Variants in AP1G1 observed in about 807,000 individuals in gnomAD.
AP1G1 encodes adaptor related protein complex 1 subunit gamma 1.
In AP1G1, 7 loss-of-function variants were observed where a neutral mutation model predicts 108.3. The ratio of observed to expected loss-of-function variants is 0.06; its 90% CI spans 0.04 to 0.12. The LOEUF (loss-of-function observed/expected upper bound fraction) is 0.12, where lower values mean the gene tolerates loss of function less well. AP1G1 is among the 10% of genes least tolerant of loss of function. The pLI, the probability that AP1G1 is intolerant of heterozygous loss-of-function variation, is 1.00. For missense variants in AP1G1, 756 were observed against 1,010.7 expected (o/e 0.75, Z 3.42); for synonymous variants, 379 against 353.5 (o/e 1.07, Z -0.81).
intron 1 of AP1G1, chr16:71,808,440 G>A (rs533749656): frequency 2.5e-6 from 3 of 1,187,532 alleles, no homozygotes; most frequent in African/African-American, 1.6e-5. Context: ...CTAAACCCCA[G>A]GCTCCCTGAA....
intron 2 of AP1G1, among the ~76,000 whole-genome samples, chr16:71,775,731 G>C (rs1207245546): frequency 1.3e-5 from 2 of 152,192 alleles, no homozygotes; most frequent in Non-Finnish European, 2.9e-5. Context: ...TACATTCAGA[G>C]CTTGATCCAA....
chr16:71,742,072 G>A (rs1319798173), intron 19 of AP1G1, among the ~76,000 whole-genome samples: 1 of 151,994 alleles, frequency 6.6e-6, no homozygotes, highest in Non-Finnish European at 1.5e-5. Flanking sequence ...AATGTAAAAA[G>A]TGGAAAAACA....
chr16:71,774,389 G>C (rs865793994), intron 3 of AP1G1, 79 bp downstream of exon 3: 1 of 1,507,778 alleles, frequency 6.6e-7, no homozygotes, highest in Non-Finnish European at 9.0e-7. Flanking sequence ...GGGCAAAAGA[G>C]CAAGACTCCG....
intron 1 of AP1G1, among the ~76,000 whole-genome samples, chr16:71,796,953 T>C (rs1012072334): frequency 7.3e-5 from 11 of 151,412 alleles, no homozygotes; most frequent in African/African-American, 2.7e-4. Flanking sequence ...GCAGAATGCT[T>C]GATTCCAGGA....
intron 12 of AP1G1, among the ~76,000 whole-genome samples, chr16:71,754,911 G>A (rs983886205): frequency 8.5e-5 from 13 of 152,062 alleles, no homozygotes; most frequent in African/African-American, 2.9e-4. Flanking sequence ...CAGTTTCAGA[G>A]AAAATGAATC....
chr16:71,806,253 A>G (rs909081303), intron 1 of AP1G1, among the ~76,000 whole-genome samples: 9 of 152,206 alleles, frequency 5.9e-5, no homozygotes, highest in Non-Finnish European at 1.3e-4. Flanking sequence ...ACTGCCCCCA[A>G]AAGAAAACGG....
rs754436607 is a variant in AP1G1 at position 71,745,558 on chromosome 16, G to A, written c.1787C>T (p.Thr596Ile). The A allele has an allele frequency of 5.0e-6, 8 of 1,614,184 alleles. No homozygotes were observed. In the East Asian group the frequency reaches 1.6e-4, roughly 31 times the overall value. Residue 596 changes from threonine to isoleucine, a missense_variant, in exon 18 of 23, where the codon ACT becomes ATT. Physicochemically the swap from Thr to Ile is moderately conservative, Grantham distance 89. This residue lies in a region of AP1G1 where 357 missense variants were observed against 366.5 expected (regional missense o/e 0.97). Coordinates refer to ENST00000299980, the MANE Select transcript of AP1G1 (RefSeq NM_001128.6). ...CTCTCCATTTGTCTGCACAATCTCA[G>A]TAGGGCCATTTGTGGTCACTTTTTC... ...VMEKVTTNGPTEIVQTNGETE... is the reference protein window; with the variant it reads ...VMEKVTTNGPIEIVQTNGETE...
At position 71,752,562 on chromosome 16, in the gene AP1G1, G is replaced by A. The variant is rs747269363; in HGVS notation, c.1284+1271C>T. 5.9e-5 allele frequency among the ~76,000 whole-genome samples: 9 copies of A among 152,034 alleles called. No homozygotes were observed. The East Asian group carries it at 1.2e-3, about 20-fold the overall frequency. On this transcript the variant is annotated intron_variant, in intron 13 of 22. Coordinates refer to ENST00000299980, the MANE Select transcript of AP1G1 (RefSeq NM_001128.6). The stretch of plus-strand genomic sequence containing the variant: ...CATTTGGGGACTACTAGTTGTTTCC[G>A]GTTTTCTCCTACTATAAACAATATT...
In AP1G1 at chr16:71,750,202, G is replaced by A. The variant is rs2030412485; in HGVS notation, c.1407+8C>T. ...TTACCCCCTAAAATAGTTGAATGAA[G>A]TACTTACTTGAGAATAATCACCAAG... On this transcript the variant is annotated splice_region_variant and intron_variant, in intron 14 of 22. Transcript: ENST00000299980. 1.9e-6 allele frequency: 3 copies of A among 1,612,414 alleles called. No individual in the cohort carries two copies. The highest frequency in any genetic ancestry group is 2.5e-6 in the Non-Finnish European group (3 of 1,179,646).
chr16:71,761,968 T>G (rs2031109409), intron 9 of AP1G1, among the ~76,000 whole-genome samples: 1 of 152,136 alleles, frequency 6.6e-6, no homozygotes, highest in Non-Finnish European at 1.5e-5. Context: ...GAGGGAAATC[T>G]GGCAATAACT....
intron 11 of AP1G1, among the ~76,000 whole-genome samples, chr16:71,757,852 T>C (rs1332214920): frequency 6.6e-6 from 1 of 152,210 alleles, no homozygotes; most frequent in East Asian, 1.9e-4. Context: ...TTCCCAGGAC[T>C]GCCCCTTACA....
At chr16:71,775,300 G>C (rs1021489832) in intron 2 of AP1G1, among the ~76,000 whole-genome samples, 1 of 151,834 alleles carries the variant, frequency 6.6e-6, no homozygotes, top group Non-Finnish European at 1.5e-5. Context: ...CCAAAGTGCT[G>C]GTATTACAGG....
intron 21 of AP1G1, among the ~76,000 whole-genome samples, chr16:71,738,534 G>A (rs1335766916): frequency 1.3e-5 from 2 of 151,978 alleles, no homozygotes; most frequent in African/African-American, 2.4e-5. Flanking sequence ...ATTCTGATCT[G>A]GTTAACTAGA....
At chr16:71,797,790 C>T (rs146829902) in intron 1 of AP1G1, among the ~76,000 whole-genome samples, 2 of 151,840 alleles carry the variant, frequency 1.3e-5, no homozygotes, top group East Asian at 1.9e-4. Context: ...CAGAGCAAGA[C>T]GCAGTCTCAA....
At chr16:71,750,026 T>C (rs1471139046) in intron 14 of AP1G1, 43 bp from the exon 15 acceptor site, 1 of 1,559,664 alleles carries the variant, frequency 6.4e-7, no homozygotes, top group Admixed American at 1.7e-5. Flanking sequence ...CTTCAATTTT[T>C]CCAAAGTTAT....
intron 5 of AP1G1, 54 bp downstream of exon 5, chr16:71,771,102 T>G (rs746172606): frequency 8.5e-7 from 1 of 1,176,466 alleles, no homozygotes; most frequent in Non-Finnish European, 1.3e-6. Context: ...CCTTAAGCCT[T>G]TTCTCTTTCC....
chr16:71,759,759 C>CA (rs920720482), intron 10 of AP1G1, among the ~76,000 whole-genome samples: 2,050 of 135,588 alleles, frequency 0.015, 38 homozygotes, highest in African/African-American at 0.053. Flanking sequence ...GACTCTGTCT[C>CA]AAAAAAAAAA....
chr16:71,754,170 T>A (rs1474524229), intron 12 of AP1G1, among the ~76,000 whole-genome samples: 1 of 150,228 alleles, frequency 6.7e-6, no homozygotes, highest in Admixed American at 6.7e-5. Flanking sequence ...GCCTAGGAGG[T>A]TGAGGCTACA....
intron 1 of AP1G1, among the ~76,000 whole-genome samples, chr16:71,794,864 T>A (rs1009699761): frequency 2.5e-5 from 3 of 121,408 alleles, no homozygotes; most frequent in African/African-American, 5.9e-5. Flanking sequence ...TTTTTTTTTT[T>A]ACTTTGAAAT....
Sources: gnomAD v4.1 joint callset for allele counts (sites outside exome capture counted in the v4.1 genomes callset) on GRCh38, gnomAD v4.1.1 for gene constraint, gnomAD v4.1.1 regional missense constraint, MANE v1.5 for transcripts, NCBI Gene and HGNC (gene_info 2026-07-23, HGNC 2026-07-21) for gene names.